KIF15: variants seen among roughly 807,000 people sequenced by gnomAD.
The protein encoded by KIF15 is kinesin-like protein KIF15.
Under a neutral mutation model 190.6 loss-of-function variants are expected in KIF15, and 140 were observed. That is an observed-to-expected ratio of 0.73 (90% CI 0.64 to 0.84). KIF15 has a LOEUF of 0.84. KIF15 is among the 40% of genes least tolerant of loss of function. The probability of loss-of-function intolerance (pLI) is 0.00; values close to 1 mark genes in which losing one functional copy is unlikely to be tolerated. For synonymous variants in KIF15, 528 were observed against 551.3 expected, an observed-to-expected ratio of 0.96 and a Z score of 0.59; for missense variants, 1,372 against 1,584.4, an observed-to-expected ratio of 0.87 and a Z score of 2.28.
intron 26 of KIF15, among the ~76,000 whole-genome samples, chr3:44,837,977 G>A (rs1180250756): frequency 6.6e-6 from 1 of 152,132 alleles, no homozygotes; most frequent in African/African-American, 2.4e-5. Context: ...CCCAGGAGAG[G>A]GAGATTGGCT....
At position 44,828,229 on chromosome 3, in the gene KIF15, A is replaced by G. The variant is rs1444050155; in HGVS notation, c.2872A>G (p.Lys958Glu). 6.2e-7 allele frequency: 1 copy of G among 1,613,078 alleles called. No homozygotes were observed. The highest frequency in any genetic ancestry group is 1.3e-5 in the African/African-American group (1 of 74,920). ...TTCACCATAGATGGCAAAAGTACAG[A>G]AACTAGAAGAGAGCTTGCTTGCTAC... ...KCEQQMAKVQKLEESLLATEK... is the reference protein window; with the variant it reads ...KCEQQMAKVQELEESLLATEK... The change falls in exon 24 of 35, where the codon AAA (lysine) becomes GAA (glutamate). Residue 958 changes from lysine to glutamate, a missense_variant. By Grantham distance (56) the Lys-to-Glu change is moderately conservative. Coordinates refer to ENST00000326047, the MANE Select transcript of KIF15 (RefSeq NM_020242.3).
chr3:44,787,927 T>C (rs1019015078), intron 7 of KIF15, among the ~76,000 whole-genome samples: 1 of 152,190 alleles, frequency 6.6e-6, no homozygotes, highest in Admixed American at 6.5e-5. Context: ...CAATCTTGGC[T>C]CACTGCAACC....
At position 44,865,085 on chromosome 3, in the gene KIF15, T is replaced by C. The variant is rs1397896735; in HGVS notation, c.*60-8244T>C. 6.2e-7 allele frequency: 1 copy of C among 1,614,134 alleles called. No individual in the cohort carries two copies. The highest frequency in any genetic ancestry group is 2.2e-5 in the East Asian group (1 of 44,876). ...GTATGGAGAGTGCCAGGAGGTCTTG[T>C]GGTGGGGAGGAGTGTTCCTTATTCT... On this transcript the variant is annotated intron_variant and NMD_transcript_variant, in intron 6 of 6. Transcript: ENST00000422209.
intron 9 of KIF15, 59 bp downstream of exon 9, chr3:44,797,735 A>T: frequency 1.2e-6 from 2 of 1,605,202 alleles, no homozygotes; most frequent in South Asian, 2.2e-5. Flanking sequence ...TGATAGTGGG[A>T]CAGTCTCTCA....
intron 26 of KIF15, among the ~76,000 whole-genome samples, chr3:44,835,204 C>T (rs1342435699): frequency 6.6e-6 from 1 of 151,992 alleles, no homozygotes; most frequent in Non-Finnish European, 1.5e-5. Context: ...GTTTTAGAAA[C>T]AGAAATTTAT....
At chr3:44,837,101 A>G (rs1167921913) in intron 26 of KIF15, among the ~76,000 whole-genome samples, 1 of 152,198 alleles carries the variant, frequency 6.6e-6, no homozygotes, top group African/African-American at 2.4e-5. Flanking sequence ...GGGAGGGCCA[A>G]TTTCTATGTT....
chr3:44,801,850 T>C lies in KIF15; in HGVS notation c.1385T>C (p.Phe462Ser), dbSNP rs899523197. 2 of 1,612,240 alleles carry C rather than the reference T, an allele frequency of 1.2e-6. No individual in the cohort carries two copies. The highest frequency in any genetic ancestry group is 1.7e-6 in the Non-Finnish European group (2 of 1,178,534). Residue 462 changes from phenylalanine to serine, a missense_variant, in exon 13 of 35, where the codon TTC (phenylalanine) becomes TCC (serine). Phe to Ser is a radical substitution (Grantham distance 155). Transcript: ENST00000326047. ...CAATCTAATAAAATGATTGTGAAAT[T>C]CCGAGAGGATCAAATAATACGCTTG... ...FIQSNKMIVK[F>S]REDQIIRLEK...
At chr3:44,866,553 T>G (rs973519553) in intron 6 of KIF15, among the ~76,000 whole-genome samples, 4 of 152,182 alleles carry the variant, frequency 2.6e-5, no homozygotes, top group South Asian at 4.1e-4. Context: ...GCCCCAAGTC[T>G]TCTTCATACA....
At chr3:44,774,341 T>C (rs1705772953) in intron 1 of KIF15, 54 bp from the exon 2 acceptor site, 7 of 1,505,430 alleles carry the variant, frequency 4.6e-6, no homozygotes, top group Middle Eastern at 3.4e-4. Flanking sequence ...TAGAGAAGAA[T>C]AGGATTTCCA....
chr3:44,799,186 T>C, intron 10 of KIF15: 1 of 453,690 alleles, frequency 2.2e-6, no homozygotes, highest in Non-Finnish European at 4.4e-6. Flanking sequence ...AGAAGTGCAG[T>C]AGTACCTTGT....
At chr3:44,780,733 G>A (rs1339275610) in intron 4 of KIF15, 152 bp from the exon 5 acceptor site, 2 of 522,576 alleles carry the variant, frequency 3.8e-6, no homozygotes, top group Non-Finnish European at 6.7e-6. Context: ...AGAGAAAGGA[G>A]GCAGATCATT....
In KIF15 at chr3:44,793,665, A is replaced by G. The variant is rs527539475; in HGVS notation, c.640-552A>G. On this transcript the variant is annotated intron_variant, in intron 7 of 34. Transcript: ENST00000326047. ...ACCATTTGGAACTTGGGATAATATAATTTATCTTATAAAGCTAGATAACAA... is the reference window on the plus strand; with the variant it reads ...ACCATTTGGAACTTGGGATAATATAGTTTATCTTATAAAGCTAGATAACAA... Among the ~76,000 whole-genome samples, 55 of 152,300 alleles carry G rather than the reference A, an allele frequency of 3.6e-4. 2 individuals are homozygous for G. Among genetic ancestry groups the G allele is most frequent in the Admixed American group, 3.3e-3 (51 of 15,290 alleles).
chr3:44,766,366 T>C (rs957699254), intron 1 of KIF15, among the ~76,000 whole-genome samples: 2 of 152,176 alleles, frequency 1.3e-5, no homozygotes, highest in African/African-American at 4.8e-5. Context: ...TTCTAGACTT[T>C]CCTTTCCTTG....
intron 26 of KIF15, 122 bp downstream of exon 26, chr3:44,831,140 G>A: frequency 8.7e-7 from 1 of 1,154,524 alleles, no homozygotes; most frequent in South Asian, 1.5e-5. Flanking sequence ...TTATACAGCT[G>A]ATGTGCCTCA....
Position 44,797,861 on chromosome 3 carries a change from G to A in KIF15, c.1003G>A (p.Ala335Thr). 1 of 1,613,760 alleles carries A rather than the reference G, an allele frequency of 6.2e-7. No homozygotes were observed. Among genetic ancestry groups the A allele is most frequent in the East Asian group, 2.2e-5 (1 of 44,878 alleles). Reference protein sequence around the residue: ...RDSLGGNAKTAIIANVHPGSR... With the variant: ...RDSLGGNAKTTIIANVHPGSR... ...TTCCCTTGGAGGTAATGCCAAAACA[G>A]CCATAATTGCAAATGTTCATCCTGG... The change falls in exon 10 of 35, where the codon GCC becomes ACC. Residue 335 changes from alanine (A) to threonine (T), a missense_variant. Physicochemically the swap from Ala to Thr is moderately conservative, Grantham distance 58. Transcript: ENST00000326047.
downstream of KIF15, among the ~76,000 whole-genome samples, chr3:44,858,203 G>A (rs1699207269): frequency 6.6e-6 from 1 of 152,148 alleles, no homozygotes; most frequent in Non-Finnish European, 1.5e-5. Flanking sequence ...AAGGTATTGA[G>A]GACTAAAGAG....
chr3:44,808,936 C>G (rs947766071), intron 16 of KIF15, among the ~76,000 whole-genome samples: 1 of 152,160 alleles, frequency 6.6e-6, no homozygotes, highest in African/African-American at 2.4e-5. Flanking sequence ...TCATTTTAAC[C>G]CTAGGTTTCT....
At chr3:44,829,487 A>T (rs1308743300) in intron 24 of KIF15, among the ~76,000 whole-genome samples, 1 of 92,702 alleles carries the variant, frequency 1.1e-5, no homozygotes, top group Non-Finnish European at 2.1e-5. Context: ...ATGTGTATAT[A>T]ATATATGCAT....
chr3:44,856,857 G>A (rs1221722527), downstream of KIF15, among the ~76,000 whole-genome samples: 1 of 152,168 alleles, frequency 6.6e-6, no homozygotes, highest in African/African-American at 2.4e-5. Flanking sequence ...TGCAGGATAT[G>A]GAAGGCATAG....
Sources: allele counts gnomAD v4.1 joint callset (sites outside exome capture counted in the v4.1 genomes callset), GRCh38; gene constraint gnomAD v4.1.1; transcripts MANE v1.5; gene names NCBI Gene and HGNC (gene_info 2026-07-23, HGNC 2026-07-21).